The following FRMD3 variants were observed in gnomAD, a reference collection of about 807,000 sequenced individuals.
FRMD3 encodes the protein FERM domain containing 3, also known as FERM domain-containing protein 3.
In FRMD3, 33 loss-of-function variants were observed where a neutral mutation model predicts 70.2. That is an observed-to-expected ratio of 0.47 (90% CI 0.36 to 0.63). The LOEUF is 0.63. Ranked by LOEUF, FRMD3 falls within the 20% of genes least tolerant of loss-of-function variation. The pLI is 0.00. For synonymous variants in FRMD3, 279 were observed against 255.9 expected, an observed-to-expected ratio of 1.09 and a Z score of -0.86; for missense variants, 632 against 711.4, an observed-to-expected ratio of 0.89 and a Z score of 1.27.
rs368355600 is a variant in FRMD3 at position 83,324,977 on chromosome 9, C to G, written c.596+10539G>C. On this transcript the variant is annotated intron_variant, in intron 6 of 13. Coordinates refer to ENST00000304195, the MANE Select transcript of FRMD3 (RefSeq NM_174938.6). ...TGCTCTCCTGCGTGCCATGGCACAG[C>G]ATTTCAAAATGACATGATTTCTATC... 3.5e-4 allele frequency among the ~76,000 whole-genome samples: 54 copies of G among 152,284 alleles called. No homozygotes were observed. The South Asian group carries it at 0.011, about 30-fold the overall frequency.
chr9:83,390,143 C>T (rs1825627005), intron 1 of FRMD3, among the ~76,000 whole-genome samples: 1 of 152,182 alleles, frequency 6.6e-6, no homozygotes, highest in Non-Finnish European at 1.5e-5. Flanking sequence ...AATGATCCTA[C>T]CAGGAAGGTT....
At chr9:83,428,780 C>T (rs1232832313) in intron 1 of FRMD3, among the ~76,000 whole-genome samples, 1 of 152,238 alleles carries the variant, frequency 6.6e-6, no homozygotes, top group East Asian at 1.9e-4. Flanking sequence ...CAGATTTGCA[C>T]CCATTAACTC....
intron 1 of FRMD3, among the ~76,000 whole-genome samples, chr9:83,534,822 C>T (rs79191314): frequency 0.052 from 7,964 of 152,252 alleles, 291 homozygotes; most frequent in Non-Finnish European, 0.069. Flanking sequence ...GAGATGCCAG[C>T]CTCCCTGGAA....
chr9:83,558,037 A>G, the FRMD3 span, among the ~76,000 whole-genome samples: 1 of 152,190 alleles, frequency 6.6e-6, no homozygotes, highest in Non-Finnish European at 1.5e-5. Context: ...AGATCAGAGT[A>G]TCACTCTGTT....
intron 1 of FRMD3, among the ~76,000 whole-genome samples, chr9:83,428,302 C>T (rs76379644): frequency 0.038 from 5,751 of 150,404 alleles, 188 homozygotes; most frequent in East Asian, 0.16. Context: ...TGCTTGAACC[C>T]GGGAGGCAGA....
At chr9:83,354,106 A>T (rs2375925) in intron 3 of FRMD3, among the ~76,000 whole-genome samples, 15,250 of 152,062 alleles carry the variant, frequency 0.1, 790 homozygotes, top group East Asian at 0.15. Context: ...TTGTATTTTT[A>T]GTAGAGACAG....
At chr9:83,521,445 C>CA (rs1829569625) in intron 1 of FRMD3, among the ~76,000 whole-genome samples, 1 of 152,194 alleles carries the variant, frequency 6.6e-6, no homozygotes, top group Non-Finnish European at 1.5e-5. Flanking sequence ...ATGATGGCGC[C>CA]ACTGCCCTCT....
chr9:83,542,668 C>T (rs1404853191), upstream of FRMD3, among the ~76,000 whole-genome samples: 108 of 152,266 alleles, frequency 7.1e-4, no homozygotes, highest in Admixed American at 7.1e-3. Context: ...GAAAAACAAA[C>T]TCAGATGACT....
chr9:83,300,044 G>C (rs952115439), intron 10 of FRMD3, among the ~76,000 whole-genome samples: 1 of 152,212 alleles, frequency 6.6e-6, no homozygotes, highest in Non-Finnish European at 1.5e-5. Flanking sequence ...AATATTGATA[G>C]TCACAAAATC....
intron 4 of FRMD3, among the ~76,000 whole-genome samples, chr9:83,348,064 C>T (rs1824019820): frequency 6.6e-6 from 1 of 152,106 alleles, no homozygotes; most frequent in Non-Finnish European, 1.5e-5. Flanking sequence ...CTTTTTTCAA[C>T]AACAAAATGT....
chr9:83,490,877 A>T (rs892982401), intron 1 of FRMD3, among the ~76,000 whole-genome samples: 1 of 151,644 alleles, frequency 6.6e-6, no homozygotes, highest in African/African-American at 2.4e-5. Context: ...CTAACATAAC[A>T]AGTGAAAATG....
chr9:83,499,028 T>C (rs570649400), intron 1 of FRMD3, among the ~76,000 whole-genome samples: 2 of 152,224 alleles, frequency 1.3e-5, no homozygotes, highest in East Asian at 1.9e-4. Flanking sequence ...GGTCCTTGGG[T>C]TTTGTCACCA....
intron 1 of FRMD3, among the ~76,000 whole-genome samples, chr9:83,484,192 G>T (rs1405573422): frequency 1.3e-5 from 2 of 152,140 alleles, no homozygotes; most frequent in African/African-American, 4.8e-5. Context: ...TGTTCATTAT[G>T]TGTTTCCACA....
intron 6 of FRMD3, among the ~76,000 whole-genome samples, chr9:83,325,158 G>A (rs1403759549): frequency 6.6e-6 from 1 of 152,202 alleles, no homozygotes; most frequent in Non-Finnish European, 1.5e-5. Flanking sequence ...TGGAGACTCA[G>A]AGGGTGACAG....
chr9:83,277,643 G>A (rs1420027739), intron 13 of FRMD3, among the ~76,000 whole-genome samples: 2 of 152,172 alleles, frequency 1.3e-5, no homozygotes, highest in African/African-American at 4.8e-5. Context: ...GTATAGGCAT[G>A]AGCCACCACA....
At chr9:83,455,869 T>A (rs1827803703) in intron 1 of FRMD3, among the ~76,000 whole-genome samples, 1 of 152,190 alleles carries the variant, frequency 6.6e-6, no homozygotes, top group South Asian at 2.1e-4. Flanking sequence ...AGTTCACAGC[T>A]AGAATAATAA....
At chr9:83,358,733 T>C (rs1165261840) in intron 3 of FRMD3, among the ~76,000 whole-genome samples, 1 of 151,780 alleles carries the variant, frequency 6.6e-6, no homozygotes, top group African/African-American at 2.4e-5. Flanking sequence ...GTGAAAGGGA[T>C]TGAGTTCTTG....
At chr9:83,585,548 C>T in the FRMD3 span, among the ~76,000 whole-genome samples, 2 of 152,118 alleles carry the variant, frequency 1.3e-5, no homozygotes, top group African/African-American at 2.4e-5. Context: ...TGAGCTTATA[C>T]TCACCTCTCT....
At chr9:83,542,596 C>G (rs1466692808), upstream of FRMD3, among the ~76,000 whole-genome samples, 1 of 152,074 alleles carries the variant, frequency 6.6e-6, no homozygotes, top group Admixed American at 6.5e-5. Context: ...TGGATATCAG[C>G]AAACTTTTTT....
Sources: allele counts gnomAD v4.1 joint callset (sites outside exome capture counted in the v4.1 genomes callset), GRCh38; gene constraint gnomAD v4.1.1; transcripts MANE v1.5; gene names NCBI Gene and HGNC (gene_info 2026-07-23, HGNC 2026-07-21).